Variants in SAMSN1 observed in about 807,000 individuals in gnomAD.
SAMSN1 encodes SAM domain-containing protein SAMSN-1.
In SAMSN1, 31 loss-of-function variants were observed where a neutral mutation model predicts 42.0. The ratio of observed to expected loss-of-function variants is 0.74; its 90% CI spans 0.55 to 1.00. SAMSN1 has a LOEUF of 1.00. Among genes scored for constraint, SAMSN1 ranks in the 50% least tolerant of loss-of-function variants. The pLI, the probability that SAMSN1 is intolerant of heterozygous loss-of-function variation, is 0.00. For synonymous variants in SAMSN1, 178 were observed against 151.9 expected (o/e 1.17, Z -1.26); for missense variants, 464 against 439.4 (o/e 1.06, Z -0.50).
chr21:14,561,217 G>C (rs546230342), intron 2 of SAMSN1, among the ~76,000 whole-genome samples: 1 of 151,948 alleles, frequency 6.6e-6, no homozygotes, highest in East Asian at 1.9e-4. Context: ...CTCAGTGCCC[G>C]AGGACCATTT....
chr21:14,658,091 C>T (rs1172063556), intron 1 of SAMSN1, among the ~76,000 whole-genome samples: 1 of 151,774 alleles, frequency 6.6e-6, no homozygotes, highest in Non-Finnish European at 1.5e-5. Context: ...TAAGCATTGG[C>T]AGATGGTCAC....
At chr21:14,628,324 G>A (rs560027753) in intron 2 of SAMSN1, among the ~76,000 whole-genome samples, 7 of 151,976 alleles carry the variant, frequency 4.6e-5, no homozygotes, top group Admixed American at 1.3e-4. Flanking sequence ...GATGATGGAC[G>A]TGCTACTTAC....
rs375692183 is a variant in SAMSN1 at position 14,546,299 on chromosome 21, C to T, written c.-38G>A. On this transcript the variant is annotated 5_prime_UTR_variant, in exon 1 of 8. Transcript: ENST00000400566. ...CTACTCCTAGTGAGTGCACTTTCTG[C>T]TGTTACAGAAACAACTGAAAACAGT... 41 of 1,611,050 alleles carry T rather than the reference C, an allele frequency of 2.5e-5. No individual in the cohort carries two copies. The highest frequency in any genetic ancestry group is 3.2e-5 in the Non-Finnish European group (38 of 1,178,530).
chr21:14,650,656 T>C (rs1983818201), intron 1 of SAMSN1, among the ~76,000 whole-genome samples: 1 of 151,538 alleles, frequency 6.6e-6, no homozygotes, highest in Non-Finnish European at 1.5e-5. Flanking sequence ...AAACCCCAAA[T>C]TAGTAGAAGA....
chr21:14,531,056 A>T (rs1314322894), intron 1 of SAMSN1, among the ~76,000 whole-genome samples: 2 of 152,118 alleles, frequency 1.3e-5, no homozygotes, highest in South Asian at 4.1e-4. Flanking sequence ...CTAAACAAAA[A>T]CAAATAATTC....
chr21:14,539,988 A>G (rs1979901966), intron 1 of SAMSN1, among the ~76,000 whole-genome samples: 2 of 152,190 alleles, frequency 1.3e-5, no homozygotes, highest in African/African-American at 2.4e-5. Context: ...AAATAATGCC[A>G]CATATCTACA....
At chr21:14,596,583 A>G (rs1982268799) in intron 6 of SAMSN1, among the ~76,000 whole-genome samples, 1 of 152,206 alleles carries the variant, frequency 6.6e-6, no homozygotes. Flanking sequence ...AGATCTTAAA[A>G]GGAATTGTGG....
intron 1 of SAMSN1, among the ~76,000 whole-genome samples, chr21:14,528,795 A>G (rs1186035046): frequency 6.6e-6 from 1 of 152,166 alleles, no homozygotes; most frequent in Non-Finnish European, 1.5e-5. Context: ...ACCATGTCTC[A>G]TCATCTCATT....
In SAMSN1 at chr21:14,488,109, G is replaced by A. The variant is rs538114549; in HGVS notation, c.920-1995C>T. On this transcript the variant is annotated intron_variant, in intron 7 of 7. Transcript: ENST00000400566. ...ATTGCCACTGAAATGAAATGAGCCA[G>A]CTCTGTGTTCCATTATCCAAGTGTT... Among the ~76,000 whole-genome samples, 13 of 152,156 alleles carry A rather than the reference G, an allele frequency of 8.5e-5. No individual in the cohort carries two copies. The South Asian group carries it at 2.5e-3, about 29-fold the overall frequency.
At chr21:14,498,366 G>C (rs953754449) in intron 7 of SAMSN1, 76 bp downstream of exon 7, 52 of 1,262,840 alleles carry the variant, frequency 4.1e-5, no homozygotes, top group Non-Finnish European at 5.5e-5. Flanking sequence ...TAAAACTGGG[G>C]CTTTGTTTCT....
At chr21:14,575,856 G>A (rs903795271) in intron 2 of SAMSN1, among the ~76,000 whole-genome samples, 3 of 152,006 alleles carry the variant, frequency 2.0e-5, no homozygotes, top group Non-Finnish European at 4.4e-5. Flanking sequence ...TCTTTTTACT[G>A]GTCCTCTCTA....
At chr21:14,636,709 C>G (rs1376669542) in intron 2 of SAMSN1, among the ~76,000 whole-genome samples, 1 of 151,842 alleles carries the variant, frequency 6.6e-6, no homozygotes, top group Non-Finnish European at 1.5e-5. Context: ...ATTAGCTGGG[C>G]ATGGTGGCAC....
chr21:14,494,756 G>T (rs907499541), intron 7 of SAMSN1, among the ~76,000 whole-genome samples: 1 of 151,642 alleles, frequency 6.6e-6, no homozygotes, highest in Non-Finnish European at 1.5e-5. Context: ...AGGTCAAAGT[G>T]GGTACAATGC....
chr21:14,584,562 T>C (rs1981859546), upstream of SAMSN1, among the ~76,000 whole-genome samples: 1 of 152,222 alleles, frequency 6.6e-6, no homozygotes, highest in African/African-American at 2.4e-5. Flanking sequence ...CAAAATACTT[T>C]GGAAATTAAC....
rs370874379 is a variant in SAMSN1, at chr21:14,546,290, C to A, written c.-29G>T. ...GAATTCTGACTACTCCTAGTGAGTGCACTTTCTGCTGTTACAGAAACAACT... is the reference window on the plus strand; with the variant it reads ...GAATTCTGACTACTCCTAGTGAGTGAACTTTCTGCTGTTACAGAAACAACT... On this transcript the variant is annotated 5_prime_UTR_variant, in exon 1 of 8. Coordinates refer to ENST00000400566, the MANE Select transcript of SAMSN1 (RefSeq NM_022136.5). 6.2e-7 allele frequency: 1 copy of A among 1,611,858 alleles called. No individual in the cohort carries two copies. The highest frequency in any genetic ancestry group is 2.2e-5 in the East Asian group (1 of 44,812).
chr21:14,552,400 AG>A (rs1177921915), intron 2 of SAMSN1, among the ~76,000 whole-genome samples: 1 of 152,084 alleles, frequency 6.6e-6, no homozygotes, highest in Non-Finnish European at 1.5e-5. Context: ...AGGTAATAGT[AG>A]GTAGGGCTTT....
intron 2 of SAMSN1, among the ~76,000 whole-genome samples, chr21:14,640,914 C>A (rs1983579280): frequency 6.6e-6 from 1 of 152,022 alleles, no homozygotes; most frequent in Non-Finnish European, 1.5e-5. Context: ...ATGTTTTTAT[C>A]ATTCTCGTCT....
At chr21:14,657,186 T>C (rs959327495) in intron 1 of SAMSN1, among the ~76,000 whole-genome samples, 2 of 151,886 alleles carry the variant, frequency 1.3e-5, no homozygotes, top group Admixed American at 6.6e-5. Flanking sequence ...AAGATAATGT[T>C]TATTTTTTAA....
chr21:14,607,080 AT>A (rs1365232096), intron 5 of SAMSN1, among the ~76,000 whole-genome samples: 1 of 152,102 alleles, frequency 6.6e-6, no homozygotes, highest in Non-Finnish European at 1.5e-5. Context: ...CCTACAGTTT[AT>A]TTCCCTATAT....
Sources: allele counts gnomAD v4.1 joint callset (sites outside exome capture counted in the v4.1 genomes callset), GRCh38; gene constraint gnomAD v4.1.1; transcripts MANE v1.5; gene names NCBI Gene and HGNC (gene_info 2026-07-23, HGNC 2026-07-21).